PLCE1: variants seen among roughly 807,000 people sequenced by gnomAD.
PLCE1 encodes 1-phosphatidylinositol 4,5-bisphosphate phosphodiesterase epsilon-1.
A neutral mutation model predicts 242.8 loss-of-function variants in PLCE1; 119 were observed. That is an observed-to-expected ratio of 0.49 (90% CI 0.42 to 0.57). The LOEUF is 0.57. Among genes scored for constraint, PLCE1 ranks in the 20% least tolerant of loss-of-function variants. The pLI is 0.00. For synonymous variants in PLCE1, 945 were observed against 1,017.4 expected (o/e 0.93, Z 1.35); for missense variants, 2,441 against 2,788.8 (o/e 0.88, Z 2.81).
chr10:94,302,499 C>T (rs1253959358), intron 24 of PLCE1, among the ~76,000 whole-genome samples: 1 of 152,068 alleles, frequency 6.6e-6, no homozygotes, highest in Non-Finnish European at 1.5e-5. Flanking sequence ...CTACTGAAAT[C>T]ACTTGAGGTT....
At chr10:94,315,864 C>A (rs2053554591) in intron 28 of PLCE1, among the ~76,000 whole-genome samples, 2 of 149,682 alleles carry the variant, frequency 1.3e-5, no homozygotes, top group Admixed American at 1.3e-4. Flanking sequence ...AACCATAAAA[C>A]AAAATTAAGA....
At chr10:94,070,717 A>G (rs1235912921) in intron 2 of PLCE1, among the ~76,000 whole-genome samples, 2 of 152,076 alleles carry the variant, frequency 1.3e-5, no homozygotes, top group Admixed American at 6.5e-5. Flanking sequence ...CCTGCTATTC[A>G]CTTTAATTGG....
chr10:94,255,980 C>T (rs959027518), intron 11 of PLCE1, among the ~76,000 whole-genome samples: 5 of 145,144 alleles, frequency 3.4e-5, no homozygotes, highest in Admixed American at 6.9e-5. Context: ...TCTCTCCCCA[C>T]GCCCCTCTCT....
chr10:94,072,534 C>T (rs1368792278), intron 2 of PLCE1, among the ~76,000 whole-genome samples: 3 of 152,144 alleles, frequency 2.0e-5, no homozygotes, highest in African/African-American at 7.2e-5. Context: ...GCCTTGGCCT[C>T]CCAAAGTGCT....
intron 23 of PLCE1, among the ~76,000 whole-genome samples, chr10:94,294,651 G>A (rs924865189): frequency 4.6e-5 from 7 of 152,106 alleles, no homozygotes; most frequent in African/African-American, 1.7e-4. Context: ...ACCTTCAATA[G>A]AAAATACTTT....
In PLCE1 at chr10:94,306,229, C is replaced by A. The variant is rs1361156060; in HGVS notation, c.5623-198C>A. Reference sequence around the variant, plus strand: ...TCGTGATCTGCTCACCTCAGCCTCCCAAAGTGCTGGGATTACAGGCATAAG... The same window carrying A: ...TCGTGATCTGCTCACCTCAGCCTCCAAAAGTGCTGGGATTACAGGCATAAG... On this transcript the variant is annotated intron_variant, in intron 25 of 32. Transcript: ENST00000371380. The surrounding 1 kb of genome is among the most constrained non-coding windows in gnomAD (Gnocchi z 5.7). 6.6e-6 allele frequency among the ~76,000 whole-genome samples: 1 copy of A among 152,198 alleles called. No individual in the cohort carries two copies. Among genetic ancestry groups the A allele is most frequent in the Admixed American group, 6.5e-5 (1 of 15,270 alleles).
At chr10:94,261,789 A>T (rs953040186) in intron 13 of PLCE1, among the ~76,000 whole-genome samples, 3 of 152,160 alleles carry the variant, frequency 2.0e-5, no homozygotes, top group African/African-American at 4.8e-5. Flanking sequence ...ATTTATATTC[A>T]CATAAAAATC....
chr10:94,195,555 T>G (rs533241491), intron 4 of PLCE1, among the ~76,000 whole-genome samples: 1 of 152,266 alleles, frequency 6.6e-6, no homozygotes, highest in African/African-American at 2.4e-5. Flanking sequence ...AGGATAACAC[T>G]TCACTTGGTG....
chr10:94,322,203 G>T, intron 30 of PLCE1, 144 bp downstream of exon 30: 1 of 800,132 alleles, frequency 1.2e-6, no homozygotes, highest in Non-Finnish European at 2.1e-6. Context: ...CTTAAGGCTG[G>T]GAAATTGCCT....
chr10:94,134,491 C>A (rs1199149266), intron 3 of PLCE1, among the ~76,000 whole-genome samples: 1 of 152,030 alleles, frequency 6.6e-6, no homozygotes, highest in Admixed American at 6.6e-5. Context: ...TCACCACAAA[C>A]AATGATAAGT....
At chr10:94,318,508 G>A (rs139231459) in intron 29 of PLCE1, among the ~76,000 whole-genome samples, 1 of 152,262 alleles carries the variant, frequency 6.6e-6, no homozygotes, top group African/African-American at 2.4e-5. Context: ...GATTCAGAGA[G>A]GTGAAATCAT....
chr10:94,201,577 G>T (rs766593599), intron 4 of PLCE1, among the ~76,000 whole-genome samples: 1 of 152,278 alleles, frequency 6.6e-6, no homozygotes, highest in East Asian at 1.9e-4. Flanking sequence ...CTGGGTTCAC[G>T]CCATTCTCCC....
chr10:94,184,611 C>T (rs554313320), intron 4 of PLCE1, among the ~76,000 whole-genome samples: 5 of 152,276 alleles, frequency 3.3e-5, no homozygotes, highest in South Asian at 2.1e-4. Context: ...ATTATAGGCA[C>T]GAGCCACCAC....
chr10:94,265,907 C>T lies in PLCE1; in HGVS notation c.4230C>T (p.Tyr1410=), dbSNP rs1278502806. The change falls in exon 16 of 33, where the codon TAC becomes TAT. Residue 1410 remains tyrosine (Y), a synonymous_variant. Transcript: ENST00000371380. ...YYYIESSHNT[Y]LTGHQLKGES... is the part of the protein sequence containing the mutation. Reference sequence around the variant, plus strand: ...ACATCGAATCTTCGCACAATACCTACCTCACGGGCCATCAGCTCAAAGGAG... The same window carrying T: ...ACATCGAATCTTCGCACAATACCTATCTCACGGGCCATCAGCTCAAAGGAG... 2 of 1,614,092 alleles carry T rather than the reference C, an allele frequency of 1.2e-6. No homozygotes were observed. Among genetic ancestry groups the T allele is most frequent in the Non-Finnish European group, 1.7e-6 (2 of 1,179,962 alleles).
At chr10:94,295,002 A>C (rs1192354991) in intron 23 of PLCE1, among the ~76,000 whole-genome samples, 1 of 128,650 alleles carries the variant, frequency 7.8e-6, no homozygotes, top group African/African-American at 3.1e-5. Context: ...TGCAAGCTCC[A>C]CCTCCCGGGT....
intron 2 of PLCE1, chr10:94,105,350 C>G (rs912995445): frequency 1.3e-5 from 2 of 152,424 alleles, no homozygotes; most frequent in Non-Finnish European, 2.9e-5. Flanking sequence ...CAGTCAACAC[C>G]CAGACACCAG....
At chr10:94,164,688 T>C (rs181127047) in intron 3 of PLCE1, among the ~76,000 whole-genome samples, 179 of 152,362 alleles carry the variant, frequency 1.2e-3, no homozygotes, top group African/African-American at 4.1e-3. Flanking sequence ...AGGAGCTGCA[T>C]TCCTTTGGAG....
intron 2 of PLCE1, among the ~76,000 whole-genome samples, chr10:94,072,024 A>C (rs1007177798): frequency 2.6e-5 from 4 of 152,152 alleles, no homozygotes; most frequent in Non-Finnish European, 5.9e-5. Context: ...TTCTGCCTGC[A>C]TTTGGCTCCC....
rs775998675 is a variant in PLCE1 at position 94,328,053 on chromosome 10, G to A, written c.*110G>A. On this transcript the variant is annotated 3_prime_UTR_variant, in exon 33 of 33. Coordinates refer to ENST00000371380, the MANE Select transcript of PLCE1 (RefSeq NM_016341.4). ...CATCAGACTTAAACTGGAAATTGAT[G>A]ATTTCTGAACTGAAGCCTTCACACA... The A allele has an allele frequency of 6.0e-5, 30 of 502,916 alleles. No individual in the cohort carries two copies. Among genetic ancestry groups the A allele is most frequent in the Admixed American group, 1.7e-4 (8 of 47,032 alleles). 31.2% of individuals were successfully genotyped at this position (502,916 alleles called of 1,614,324 possible). A position where few individuals can be genotyped will look rare whatever the true frequency, so the allele number is the denominator to read the frequency against.
Sources: allele counts gnomAD v4.1 joint callset (sites outside exome capture counted in the v4.1 genomes callset), GRCh38; gene constraint gnomAD v4.1.1; non-coding constraint Gnocchi (gnomAD v3.1); transcripts MANE v1.5; gene names NCBI Gene and HGNC (gene_info 2026-07-23, HGNC 2026-07-21).